Variants in UBE4B observed in about 807,000 individuals in gnomAD.
UBE4B encodes ubiquitin conjugation factor E4 B.
In UBE4B, 27 loss-of-function variants were observed where a neutral mutation model predicts 148.1. The ratio of observed to expected loss-of-function variants is 0.18; its 90% CI spans 0.13 to 0.25. UBE4B has a LOEUF of 0.25. Ranked by LOEUF, UBE4B falls within the 10% of genes least tolerant of loss-of-function variation. The pLI, the probability that UBE4B is intolerant of heterozygous loss-of-function variation, is 1.00. For missense variants in UBE4B, 1,170 were observed against 1,662.4 expected, an observed-to-expected ratio of 0.70 and a Z score of 5.15; for synonymous variants, 596 against 619.3, an observed-to-expected ratio of 0.96 and a Z score of 0.56.
chr1:10,132,683 A>G (rs1378373792), intron 15 of UBE4B, among the ~76,000 whole-genome samples: 1 of 152,236 alleles, frequency 6.6e-6, no homozygotes, highest in Non-Finnish European at 1.5e-5. Context: ...CAGTTGTATA[A>G]TCAGTGAAGA....
intron 27 of UBE4B, 56 bp downstream of exon 27, chr1:10,179,618 C>A: frequency 6.3e-7 from 1 of 1,597,488 alleles, no homozygotes; most frequent in Non-Finnish European, 8.5e-7. Context: ...AGAGATAAAG[C>A]CCAAGTCACA....
Position 10,103,066 on chromosome 1 carries a change from C to T in UBE4B, c.554C>T (p.Ala185Val). The change falls in exon 5 of 28, where the codon GCA (alanine) becomes GTA (valine). Residue 185 changes from alanine (A) to valine (V), a missense_variant. This residue lies in a region of UBE4B where 91 missense variants were observed against 120.5 expected (regional missense o/e 0.76). Coordinates refer to ENST00000343090, the MANE Select transcript of UBE4B (RefSeq NM_001105562.3). ...RDVIFLSSLS[A>V]QFKQNPKEVF... ...GTCATCTTTCTTTCTTCTCTTTCTGCACAGTTTAAGCAGAACCCAAAAGAA... is the reference window on the plus strand; with the variant it reads ...GTCATCTTTCTTTCTTCTCTTTCTGTACAGTTTAAGCAGAACCCAAAAGAA... 1 of 1,612,022 alleles carries T rather than the reference C, an allele frequency of 6.2e-7. No homozygotes were observed. Among genetic ancestry groups the T allele is most frequent in the Non-Finnish European group, 8.5e-7 (1 of 1,179,320 alleles).
At chr1:10,102,260 T>C (rs915600470) in intron 4 of UBE4B, among the ~76,000 whole-genome samples, 17 of 152,042 alleles carry the variant, frequency 1.1e-4, no homozygotes, top group African/African-American at 4.8e-5. Context: ...TTTGAAAAAT[T>C]CCTGGAGGAA....
At chr1:10,059,612 T>C (rs1319715498) in intron 1 of UBE4B, 1 of 198,368 alleles carries the variant, frequency 5.0e-6, no homozygotes, top group Non-Finnish European at 1.1e-5. Flanking sequence ...GAAGAGGCTG[T>C]GCATAAAGCC....
At chr1:10,116,807 G>A (rs762805566) in intron 7 of UBE4B, among the ~76,000 whole-genome samples, 3 of 152,146 alleles carry the variant, frequency 2.0e-5, no homozygotes, top group Non-Finnish European at 4.4e-5. Flanking sequence ...CTAGCTTCAG[G>A]TAACAAGTAA....
At chr1:10,094,578 C>T (rs11121517) in intron 2 of UBE4B, among the ~76,000 whole-genome samples, 16,893 of 150,036 alleles carry the variant, frequency 0.11, 1,109 homozygotes, top group African/African-American at 0.18. Context: ...GGACTACAGG[C>T]GCCCGCCACC....
At chr1:10,175,084 C>T (rs1646397648) in intron 25 of UBE4B, among the ~76,000 whole-genome samples, 1 of 152,074 alleles carries the variant, frequency 6.6e-6, no homozygotes, top group Non-Finnish European at 1.5e-5. Context: ...AGACCCATGT[C>T]CAGAAGGCTG....
At chr1:10,110,334 G>A (rs940872748) in intron 7 of UBE4B, among the ~76,000 whole-genome samples, 3 of 152,330 alleles carry the variant, frequency 2.0e-5, no homozygotes, top group Non-Finnish European at 2.9e-5. Context: ...GAAAAGAACT[G>A]TTTGAGATAT....
At chr1:10,102,496 C>T (rs771462683) in intron 4 of UBE4B, among the ~76,000 whole-genome samples, 2 of 144,198 alleles carry the variant, frequency 1.4e-5, no homozygotes, top group African/African-American at 2.6e-5. Flanking sequence ...CCACAACCTC[C>T]GCCTCCTGGG....
rs760036929 is a variant in UBE4B, at chr1:10,072,259, A to G, written c.211+45A>G. On this transcript the variant is annotated intron_variant, in intron 2 of 27. Transcript: ENST00000343090. ...CTGGGACTCTTTTGTAATTCTTCTT[A>G]GCTTTTTGTTAAGCTGATGGTTGTG... 4 of 1,586,704 alleles carry G rather than the reference A, an allele frequency of 2.5e-6. No homozygotes were observed. The South Asian group carries it at 4.6e-5, about 18-fold the overall frequency.
chr1:10,117,396 T>G (rs1645330031), intron 7 of UBE4B, 63 bp from the exon 8 acceptor site: 32 of 1,603,536 alleles, frequency 2.0e-5, no homozygotes, highest in Non-Finnish European at 2.5e-5. Flanking sequence ...GCTGCAGAAA[T>G]GCAAACTCTG....
intron 15 of UBE4B, among the ~76,000 whole-genome samples, chr1:10,134,274 G>A (rs1051589468): frequency 3.3e-5 from 5 of 152,088 alleles, no homozygotes; most frequent in Admixed American, 2.6e-4. Context: ...AATTTGGGAG[G>A]CCGAGACGGG....
chr1:10,179,373 G>T, intron 26 of UBE4B, 43 bp from the exon 27 acceptor site: 1 of 1,590,550 alleles, frequency 6.3e-7, no homozygotes. Context: ...TTTCAGTCGT[G>T]GGCTCTCAGT....
intron 15 of UBE4B, among the ~76,000 whole-genome samples, chr1:10,134,203 TG>T (rs35830844): frequency 0.048 from 7,261 of 152,176 alleles, 450 homozygotes; most frequent in East Asian, 0.13. Flanking sequence ...ATTATCGTGA[TG>T]GTTCAGTAAA....
intron 2 of UBE4B, among the ~76,000 whole-genome samples, chr1:10,092,564 A>G (rs921712420): frequency 6.6e-6 from 1 of 151,488 alleles, no homozygotes; most frequent in African/African-American, 2.4e-5. Context: ...ACCGTGGCTT[A>G]TGCCTGTAAT....
chr1:10,138,486 C>A (rs138734215), intron 17 of UBE4B, among the ~76,000 whole-genome samples: 3 of 151,908 alleles, frequency 2.0e-5, no homozygotes, highest in African/African-American at 4.8e-5. Context: ...CGACTGCCTC[C>A]GCCTCCCAAA....
intron 26 of UBE4B, 100 bp from the exon 27 acceptor site, chr1:10,179,316 G>C: frequency 6.7e-7 from 1 of 1,488,458 alleles, no homozygotes; most frequent in South Asian, 1.3e-5. Flanking sequence ...TTTGATTGCT[G>C]TTCCTTTGGA....
chr1:10,048,891 T>G (rs559637572), intron 1 of UBE4B, among the ~76,000 whole-genome samples: 6 of 152,322 alleles, frequency 3.9e-5, no homozygotes, highest in African/African-American at 1.4e-4. Flanking sequence ...GGTGAGCTTA[T>G]CTTTTTCTGT....
chr1:10,117,256 AG>A (rs1246691654), intron 7 of UBE4B, among the ~76,000 whole-genome samples: 1 of 152,208 alleles, frequency 6.6e-6, no homozygotes, highest in African/African-American at 2.4e-5. Context: ...AGCCCTTCTT[AG>A]GTCCCTGAAA....
Sources: gnomAD v4.1 joint callset for allele counts (sites outside exome capture counted in the v4.1 genomes callset) on GRCh38, gnomAD v4.1.1 for gene constraint, gnomAD v4.1.1 regional missense constraint, MANE v1.5 for transcripts, NCBI Gene and HGNC (gene_info 2026-07-23, HGNC 2026-07-21) for gene names.